The following OR9Q1 variants were observed in gnomAD, a reference collection of about 807,000 sequenced individuals.
OR9Q1 encodes olfactory receptor family 9 subfamily Q member 1.
For missense variants in OR9Q1, 374 were observed against 378.8 expected (o/e 0.99, Z 0.11); for synonymous variants, 153 against 148.6 (o/e 1.03, Z -0.22).
chr11:58,078,292 G>T (rs1853558644), intron 2 of OR9Q1: 1 of 152,182 alleles, frequency 6.6e-6, no homozygotes, highest in Non-Finnish European at 1.5e-5. Flanking sequence ...GAAACACTAA[G>T]TTCCTACACA....
intron 2 of OR9Q1, among the ~76,000 whole-genome samples, chr11:58,102,740 G>T (rs867953824): frequency 6.6e-6 from 1 of 152,102 alleles, no homozygotes; most frequent in Non-Finnish European, 1.5e-5. Context: ...GTGCTCCAGA[G>T]AGGATCGGTT....
chr11:58,025,143 C>T (rs987597418), intron 1 of OR9Q1, among the ~76,000 whole-genome samples: 3 of 152,138 alleles, frequency 2.0e-5, no homozygotes, highest in Admixed American at 6.5e-5. Flanking sequence ...GGTATCAGCC[C>T]ATCAGAATCT....
chr11:58,179,808 C>T lies in OR9Q1; in HGVS notation c.364C>T (p.Arg122Cys), dbSNP rs144035569. Residue 122 changes from arginine to cysteine, a missense_variant, in exon 3 of 3, where the codon CGC becomes TGC. Coordinates refer to ENST00000335397, the MANE Select transcript of OR9Q1 (RefSeq NM_001005212.4). ...CCTCTTGGCCCTCATGGCCTATGACCGCTACTTGGCTGTGTGCCAGCCCCT... is the reference window on the plus strand; with the variant it reads ...CCTCTTGGCCCTCATGGCCTATGACTGCTACTTGGCTGTGTGCCAGCCCCT... ...CYLLALMAYD[R>C]YLAVCQPLLY... The T allele has an allele frequency of 7.7e-5, 125 of 1,614,166 alleles. No homozygotes were observed. Among genetic ancestry groups the T allele is most frequent in the Non-Finnish European group, 9.7e-5 (114 of 1,180,014 alleles).
intron 2 of OR9Q1, among the ~76,000 whole-genome samples, chr11:58,105,538 A>C (rs1009418211): frequency 6.6e-6 from 1 of 152,160 alleles, no homozygotes; most frequent in South Asian, 2.1e-4. Context: ...ATAAACTTTT[A>C]AGTTTACAAA....
intron 2 of OR9Q1, among the ~76,000 whole-genome samples, chr11:58,125,084 T>G (rs1349306834): frequency 6.6e-6 from 1 of 152,152 alleles, no homozygotes. Context: ...CCAGCATAAT[T>G]ACAGAAAGTA....
At chr11:58,109,531 C>T (rs556216494) in intron 2 of OR9Q1, 4 of 458,182 alleles carry the variant, frequency 8.7e-6, no homozygotes, top group African/African-American at 4.0e-5. Flanking sequence ...AATGATCATC[C>T]CCCCATTCCC....
Position 58,149,339 on chromosome 11 carries a change from C to A in OR9Q1, c.-14-30092C>A, listed in dbSNP as rs542563797. ...CTCTGTGTGGGTAGGGACTTTGCTC[C>A]TCACTGTATTCCTGGTGTGTCACTT... On this transcript the variant is annotated intron_variant, in intron 2 of 2. Transcript: ENST00000335397. Among the ~76,000 whole-genome samples the A allele has an allele frequency of 1.8e-4, 28 of 152,254 alleles. No homozygotes were observed. The South Asian group carries it at 5.4e-3, about 29-fold the overall frequency.
chr11:58,080,764 C>T (rs529587033), intron 2 of OR9Q1, among the ~76,000 whole-genome samples: 3 of 152,128 alleles, frequency 2.0e-5, no homozygotes, highest in Admixed American at 6.6e-5. Context: ...TTTTTCCATA[C>T]GTTTGTTGAC....
At chr11:58,033,504 C>T (rs1441547742) in intron 1 of OR9Q1, among the ~76,000 whole-genome samples, 1 of 152,140 alleles carries the variant, frequency 6.6e-6, no homozygotes, top group African/African-American at 2.4e-5. Context: ...AATGCAGAAA[C>T]TGAAAATCAA....
intron 2 of OR9Q1, among the ~76,000 whole-genome samples, chr11:58,164,233 T>C (rs1355176878): frequency 2.0e-5 from 3 of 152,080 alleles, no homozygotes; most frequent in African/African-American, 7.2e-5. Flanking sequence ...CCTTCCACGT[T>C]CCTGTCTTTA....
chr11:58,094,255 A>G (rs1184735512), intron 2 of OR9Q1, among the ~76,000 whole-genome samples: 1 of 152,156 alleles, frequency 6.6e-6, no homozygotes, highest in Non-Finnish European at 1.5e-5. Context: ...ACACATAGAC[A>G]TAGACTGTGG....
intron 2 of OR9Q1, among the ~76,000 whole-genome samples, chr11:58,174,647 T>C (rs1007327894): frequency 6.7e-6 from 1 of 148,968 alleles, no homozygotes; most frequent in Non-Finnish European, 1.5e-5. Flanking sequence ...AATCCTTATC[T>C]AGTATGTTAG....
chr11:58,029,955 C>A (rs922048727), intron 1 of OR9Q1, among the ~76,000 whole-genome samples: 2 of 151,962 alleles, frequency 1.3e-5, no homozygotes, highest in African/African-American at 4.8e-5. Flanking sequence ...GATTCTCCTG[C>A]CTCAGCCTCT....
chr11:58,086,219 C>A (rs2120053592), intron 2 of OR9Q1, among the ~76,000 whole-genome samples: 1 of 152,014 alleles, frequency 6.6e-6, no homozygotes, highest in South Asian at 2.1e-4. Context: ...ATATACATTT[C>A]TCAAAAGAAG....
intron 1 of OR9Q1, chr11:58,031,278 C>G (rs897787649): frequency 6.2e-7 from 1 of 1,614,150 alleles, no homozygotes; most frequent in Non-Finnish European, 8.5e-7. Context: ...TTCATCTTCA[C>G]CTTTCTTGGG....
At chr11:58,155,151 G>C (rs144423523) in intron 2 of OR9Q1, among the ~76,000 whole-genome samples, 212 of 152,298 alleles carry the variant, frequency 1.4e-3, no homozygotes, top group African/African-American at 4.9e-3. Context: ...TCAGGGAAGA[G>C]ATGGTGTTGT....
At chr11:58,058,745 C>A (rs1370292261) in intron 2 of OR9Q1, among the ~76,000 whole-genome samples, 1 of 152,194 alleles carries the variant, frequency 6.6e-6, no homozygotes, top group African/African-American at 2.4e-5. Context: ...CATGCAGCCA[C>A]CCTCGCCCCC....
At chr11:58,111,165 G>T (rs895659) in intron 2 of OR9Q1, among the ~76,000 whole-genome samples, 146,991 of 152,210 alleles carry the variant, frequency 0.97, 71,183 homozygotes, top group East Asian at 1. Context: ...ATCTACTGAT[G>T]AGTGTTAGCA....
At chr11:58,068,780 T>C (rs192898908) in intron 2 of OR9Q1, among the ~76,000 whole-genome samples, 21 of 152,140 alleles carry the variant, frequency 1.4e-4, no homozygotes, top group Non-Finnish European at 2.5e-4. Context: ...GAATAGCGGC[T>C]CTCAGGGGCA....
Sources: allele counts gnomAD v4.1 joint callset (sites outside exome capture counted in the v4.1 genomes callset), GRCh38; gene constraint gnomAD v4.1.1; transcripts MANE v1.5; gene names NCBI Gene and HGNC (gene_info 2026-07-23, HGNC 2026-07-21).